ACBD6: variants seen among roughly 807,000 people sequenced by gnomAD.
The protein encoded by ACBD6 is acyl-CoA binding domain containing 6.
In ACBD6, 28 loss-of-function variants were observed where a neutral mutation model predicts 37.2. That is an observed-to-expected ratio of 0.75 (90% CI 0.56 to 1.03). The LOEUF (loss-of-function observed/expected upper bound fraction) is 1.03. Among genes scored for constraint, ACBD6 ranks in the 50% least tolerant of loss-of-function variants. ACBD6 has a pLI of 0.00. For missense variants in ACBD6, 340 were observed against 337.4 expected (o/e 1.01, Z -0.06); for synonymous variants, 113 against 126.8 (o/e 0.89, Z 0.73).
intron 7 of ACBD6, among the ~76,000 whole-genome samples, chr1:180,308,201 G>A (rs1650459090): frequency 6.6e-6 from 1 of 151,698 alleles, no homozygotes; most frequent in South Asian, 2.1e-4. Context: ...TTCTTTTTTG[G>A]AATGTCTTTT....
chr1:180,394,884 G>A (rs568450069), intron 6 of ACBD6, among the ~76,000 whole-genome samples: 7 of 152,208 alleles, frequency 4.6e-5, no homozygotes, highest in Non-Finnish European at 8.8e-5. Context: ...AAATGTGGGG[G>A]AAAATTTAAA....
At chr1:180,368,388 C>T (rs1397555093) in intron 6 of ACBD6, among the ~76,000 whole-genome samples, 2 of 152,130 alleles carry the variant, frequency 1.3e-5, no homozygotes. Flanking sequence ...TAATTAGATC[C>T]TATCTGTCAA....
intron 6 of ACBD6, among the ~76,000 whole-genome samples, chr1:180,352,774 A>G (rs1652466673): frequency 6.6e-6 from 1 of 152,236 alleles, no homozygotes. Flanking sequence ...AGTACATCCC[A>G]TTCAGCCCTG....
intron 6 of ACBD6, among the ~76,000 whole-genome samples, chr1:180,357,039 C>T (rs1435470635): frequency 6.6e-6 from 1 of 152,102 alleles, no homozygotes; most frequent in Admixed American, 6.6e-5. Flanking sequence ...TCAACTAACA[C>T]CAATTTAAAA....
intron 6 of ACBD6, among the ~76,000 whole-genome samples, chr1:180,348,623 T>TC (rs1652282985): frequency 1.3e-5 from 2 of 152,164 alleles, no homozygotes; most frequent in African/African-American, 4.8e-5. Context: ...GATTGGTAGG[T>TC]GTTAGTATGA....
At chr1:180,412,032 A>T (rs995122335) in intron 5 of ACBD6, among the ~76,000 whole-genome samples, 1 of 151,414 alleles carries the variant, frequency 6.6e-6, no homozygotes, top group Non-Finnish European at 1.5e-5. Context: ...CTTTATTGCG[A>T]TAGTCACTTT....
intron 6 of ACBD6, among the ~76,000 whole-genome samples, chr1:180,357,821 A>G (rs1182104985): frequency 1.3e-5 from 2 of 152,170 alleles, no homozygotes; most frequent in African/African-American, 4.8e-5. Context: ...AGACTTGGCA[A>G]GACTTTCATG....
chr1:180,322,811 T>C (rs1198545809), intron 6 of ACBD6, among the ~76,000 whole-genome samples: 2 of 151,676 alleles, frequency 1.3e-5, no homozygotes, highest in African/African-American at 4.8e-5. Flanking sequence ...AGTTTTCATT[T>C]TGATGACTGT....
intron 3 of ACBD6, among the ~76,000 whole-genome samples, chr1:180,448,071 A>G (rs1649543471): frequency 6.6e-6 from 1 of 152,198 alleles, no homozygotes; most frequent in South Asian, 2.1e-4. Flanking sequence ...TAAAGCAACA[A>G]TGAACAATGA....
intron 6 of ACBD6, among the ~76,000 whole-genome samples, chr1:180,391,308 G>A (rs1430675030): frequency 6.6e-6 from 1 of 151,934 alleles, no homozygotes. Context: ...AAATAAATAA[G>A]ATCATAAAAA....
chr1:180,487,911 A>G (rs139988964), intron 3 of ACBD6, among the ~76,000 whole-genome samples: 38 of 152,354 alleles, frequency 2.5e-4, no homozygotes, highest in African/African-American at 8.7e-4. Flanking sequence ...TCCAACTGAT[A>G]GCAATCAGGT....
intron 6 of ACBD6, among the ~76,000 whole-genome samples, chr1:180,333,629 A>T (rs2149301747): frequency 6.6e-6 from 1 of 152,326 alleles, no homozygotes; most frequent in East Asian, 1.9e-4. Flanking sequence ...CAACTGAGGT[A>T]CCGGGGTCAT....
intron 6 of ACBD6, among the ~76,000 whole-genome samples, chr1:180,342,238 T>G (rs1652009302): frequency 6.6e-6 from 1 of 152,178 alleles, no homozygotes; most frequent in South Asian, 2.1e-4. Flanking sequence ...GACTGTCCTC[T>G]AATTAGATTA....
At chr1:180,363,681 A>T (rs922818610) in intron 6 of ACBD6, among the ~76,000 whole-genome samples, 4 of 94,294 alleles carry the variant, frequency 4.2e-5, no homozygotes, top group South Asian at 4.9e-4. Flanking sequence ...CTTGCCAATC[A>T]GAGTAAGCAG....
intron 5 of ACBD6, among the ~76,000 whole-genome samples, chr1:180,398,883 T>C (rs892672692): frequency 3.3e-5 from 4 of 122,864 alleles, no homozygotes; most frequent in African/African-American, 1.5e-4. Flanking sequence ...AAGATTTAAA[T>C]AGATATAAGC....
At chr1:180,471,064 C>T (rs1008433012) in intron 3 of ACBD6, among the ~76,000 whole-genome samples, 1 of 152,068 alleles carries the variant, frequency 6.6e-6, no homozygotes, top group African/African-American at 2.4e-5. Flanking sequence ...GTTCTTTTTG[C>T]AATTGATATT....
chr1:180,446,439 T>C (rs1436349092), intron 3 of ACBD6, among the ~76,000 whole-genome samples: 2 of 152,206 alleles, frequency 1.3e-5, no homozygotes, highest in African/African-American at 2.4e-5. Flanking sequence ...AATACTATCA[T>C]TCTAAACCCT....
chr1:180,346,740 T>TA, intron 6 of ACBD6, among the ~76,000 whole-genome samples: 1 of 152,242 alleles, frequency 6.6e-6, no homozygotes, highest in East Asian at 1.9e-4. Context: ...TATGCAGCAA[T>TA]AGAAAACTGA....
At chr1:180,500,027 C>T (rs867090475) in intron 1 of ACBD6, among the ~76,000 whole-genome samples, 1 of 151,678 alleles carries the variant, frequency 6.6e-6, no homozygotes, top group Non-Finnish European at 1.5e-5. Context: ...GCAGGAGGAT[C>T]GCTTGAAGCC....
Sources: gnomAD v4.1 joint callset for allele counts (sites outside exome capture counted in the v4.1 genomes callset) on GRCh38, gnomAD v4.1.1 for gene constraint, MANE v1.5 for transcripts, NCBI Gene and HGNC (gene_info 2026-07-23, HGNC 2026-07-21) for gene names.